Variants in SLC39A11 observed in about 807,000 individuals in gnomAD.
SLC39A11 encodes the protein zinc transporter ZIP11.
In SLC39A11, 33 loss-of-function variants were observed where a neutral mutation model predicts 36.1. The ratio of observed to expected loss-of-function variants is 0.91; its 90% confidence interval spans 0.69 to 1.22. The LOEUF is 1.22. Among genes scored for constraint, SLC39A11 ranks in the 50% most tolerant of loss-of-function variants. SLC39A11 has a pLI of 0.00. For missense variants in SLC39A11, 432 were observed against 430.3 expected (o/e 1.00, Z -0.03); for synonymous variants, 166 against 170.3 (o/e 0.97, Z 0.20).
intron 4 of SLC39A11, among the ~76,000 whole-genome samples, chr17:72,948,255 G>T (rs2085570077): frequency 6.6e-6 from 1 of 151,336 alleles, no homozygotes; most frequent in African/African-American, 2.4e-5. Context: ...AAACCCCACT[G>T]CAAGCGTCAT....
At chr17:72,969,160 C>T (rs1311165054) in intron 4 of SLC39A11, among the ~76,000 whole-genome samples, 1 of 152,172 alleles carries the variant, frequency 6.6e-6, no homozygotes, top group East Asian at 1.9e-4. Flanking sequence ...GACATTTTCA[C>T]TGGAGCTTAA....
intron 6 of SLC39A11, among the ~76,000 whole-genome samples, chr17:72,750,551 G>C (rs1356761643): frequency 6.6e-6 from 1 of 151,644 alleles, no homozygotes; most frequent in Non-Finnish European, 1.5e-5. Flanking sequence ...AACAAAATTA[G>C]ACTCTGGCAG....
intron 6 of SLC39A11, among the ~76,000 whole-genome samples, chr17:72,801,625 T>C (rs1355156297): frequency 6.6e-6 from 1 of 152,252 alleles, no homozygotes; most frequent in African/African-American, 2.4e-5. Context: ...TTGAACTGTA[T>C]GGTATGTGAA....
chr17:72,978,922 A>G (rs1014615924), intron 4 of SLC39A11, among the ~76,000 whole-genome samples: 2 of 152,182 alleles, frequency 1.3e-5, no homozygotes, highest in Admixed American at 6.5e-5. Context: ...CTTGCTTTCA[A>G]TGAGGTGACT....
intron 6 of SLC39A11, among the ~76,000 whole-genome samples, chr17:72,744,116 G>C (rs1421500621): frequency 6.6e-6 from 1 of 152,162 alleles, no homozygotes; most frequent in African/African-American, 2.4e-5. Context: ...CATGGGCTTT[G>C]GTTGAGATAA....
chr17:72,868,835 T>C (rs575879713), intron 5 of SLC39A11, among the ~76,000 whole-genome samples: 9 of 151,818 alleles, frequency 5.9e-5, no homozygotes, highest in Middle Eastern at 3.2e-3. Context: ...CTTCAGTAAG[T>C]ATTATATGAA....
chr17:72,711,653 G>A (rs2073108081), intron 7 of SLC39A11, among the ~76,000 whole-genome samples: 1 of 152,214 alleles, frequency 6.6e-6, no homozygotes, highest in Non-Finnish European at 1.5e-5. Flanking sequence ...TAACCATGGG[G>A]CAACAGCTTC....
intron 4 of SLC39A11, among the ~76,000 whole-genome samples, chr17:72,949,263 C>T (rs1473346631): frequency 2.1e-5 from 3 of 143,610 alleles, no homozygotes; most frequent in African/African-American, 5.2e-5. Flanking sequence ...CGTGTTCAAG[C>T]AATTCTCCTG....
intron 6 of SLC39A11, among the ~76,000 whole-genome samples, chr17:72,771,042 G>C (rs543416611): frequency 6.7e-6 from 1 of 150,290 alleles, no homozygotes; most frequent in Non-Finnish European, 1.5e-5. Flanking sequence ...CGACATGCCA[G>C]GTACCATTTC....
At chr17:72,883,646 C>T (rs1315485061) in intron 5 of SLC39A11, among the ~76,000 whole-genome samples, 1 of 151,982 alleles carries the variant, frequency 6.6e-6, no homozygotes, top group African/African-American at 2.4e-5. Flanking sequence ...CCGAGGAATC[C>T]CATTCATTTG....
At chr17:72,849,857 G>T in intron 5 of SLC39A11, 53 bp from the exon 6 acceptor site, 1 of 1,457,026 alleles carries the variant, frequency 6.9e-7, no homozygotes. Flanking sequence ...CTTTGAACAT[G>T]TGCACGTTAA....
chr17:72,978,793 T>C (rs1166666921), intron 4 of SLC39A11, among the ~76,000 whole-genome samples: 1 of 152,192 alleles, frequency 6.6e-6, no homozygotes, highest in African/African-American at 2.4e-5. Flanking sequence ...ACAGCACTTG[T>C]TCATGAGAAC....
At chr17:72,804,008 G>T (rs1193694923) in intron 6 of SLC39A11, among the ~76,000 whole-genome samples, 1 of 148,832 alleles carries the variant, frequency 6.7e-6, no homozygotes, top group Non-Finnish European at 1.5e-5. Context: ...TTTTTGGGTG[G>T]GGGCGGGGTT....
Position 72,995,142 on chromosome 17 carries a change from C to T in SLC39A11, c.306+36414G>A, listed in dbSNP as rs373212167. Among the ~76,000 whole-genome samples the T allele has an allele frequency of 4.1e-4, 63 of 152,302 alleles. 2 individuals are homozygous for T. The South Asian group carries it at 0.012, about 29-fold the overall frequency. Reference sequence around the variant, plus strand: ...CTCCATGGCAGGTTGAATGACTGGCCCCAGTTCTTTAGCCCTCCCTGCAAC... The same window carrying T: ...CTCCATGGCAGGTTGAATGACTGGCTCCAGTTCTTTAGCCCTCCCTGCAAC... On this transcript the variant is annotated intron_variant, in intron 4 of 9. Coordinates refer to ENST00000255559, the MANE Select transcript of SLC39A11 (RefSeq NM_139177.4).
intron 5 of SLC39A11, among the ~76,000 whole-genome samples, chr17:72,887,224 T>C (rs7207996): frequency 0.055 from 8,322 of 152,228 alleles, 787 homozygotes; most frequent in African/African-American, 0.19. Flanking sequence ...ATGGATCAGA[T>C]AATGAATGAA....
chr17:73,026,493 T>G (rs1598909764), intron 4 of SLC39A11, among the ~76,000 whole-genome samples: 1 of 128,820 alleles, frequency 7.8e-6, no homozygotes, highest in Admixed American at 9.0e-5. Context: ...TACTCCAGCC[T>G]GGGCAACAAG....
At position 73,019,535 on chromosome 17, in the gene SLC39A11, T is replaced by C. The variant is rs146377724; in HGVS notation, c.306+12021A>G. ...TTACAAGGTAGACTATGATGGACCA[T>C]TACAATGTTAATTCAAGGTAGACCA... On this transcript the variant is annotated intron_variant, in intron 4 of 9. Coordinates refer to ENST00000255559, the MANE Select transcript of SLC39A11 (RefSeq NM_139177.4). Among the ~76,000 whole-genome samples, 97 of 152,268 alleles carry C rather than the reference T, an allele frequency of 6.4e-4. 2 individuals are homozygous for C. The East Asian group carries it at 0.018, about 28-fold the overall frequency.
chr17:72,884,793 T>C (rs1377909817), intron 5 of SLC39A11, among the ~76,000 whole-genome samples: 1 of 152,224 alleles, frequency 6.6e-6, no homozygotes, highest in African/African-American at 2.4e-5. Flanking sequence ...ACTAAGTCTT[T>C]TCAAATGGAT....
intron 5 of SLC39A11, among the ~76,000 whole-genome samples, chr17:72,896,825 C>T (rs552221634): frequency 4.6e-5 from 7 of 151,746 alleles, no homozygotes; most frequent in Admixed American, 1.3e-4. Flanking sequence ...CCGAGTCAGG[C>T]GGATCACCTG....
Sources: gnomAD v4.1 joint callset for allele counts (sites outside exome capture counted in the v4.1 genomes callset) on GRCh38, gnomAD v4.1.1 for gene constraint, MANE v1.5 for transcripts, NCBI Gene and HGNC (gene_info 2026-07-23, HGNC 2026-07-21) for gene names.